Variants in BCL2L1 observed in about 807,000 individuals in gnomAD.
BCL2L1 encodes bcl-2-like protein 1.
A neutral mutation model predicts 18.7 loss-of-function variants in BCL2L1; 1 was observed. That is an observed-to-expected ratio of 0.05 (90% CI 0.02 to 0.25). BCL2L1 has a LOEUF of 0.25. Among genes scored for constraint, BCL2L1 ranks in the 10% least tolerant of loss-of-function variants. The pLI is 1.00. For missense variants in BCL2L1, 207 were observed against 304.9 expected, an observed-to-expected ratio of 0.68 and a Z score of 2.39; for synonymous variants, 103 against 122.7, an observed-to-expected ratio of 0.84 and a Z score of 1.06.
intron 2 of BCL2L1, among the ~76,000 whole-genome samples, chr20:31,701,002 A>G (rs1478990015): frequency 6.6e-6 from 1 of 152,178 alleles, no homozygotes; most frequent in East Asian, 1.9e-4. Flanking sequence ...GGGAGCCAGC[A>G]AATCCTAGAC....
intron 2 of BCL2L1, among the ~76,000 whole-genome samples, chr20:31,679,297 C>T (rs1017352920): frequency 5.3e-5 from 8 of 152,204 alleles, no homozygotes; most frequent in Non-Finnish European, 1.2e-4. Context: ...CACTGTCCCA[C>T]TTGATGTGGC....
chr20:31,677,795 C>G (rs1309077728), intron 2 of BCL2L1, among the ~76,000 whole-genome samples: 1 of 152,204 alleles, frequency 6.6e-6, no homozygotes, highest in African/African-American at 2.4e-5. Context: ...TCTTAATCCA[C>G]AGGTCACTTT....
At chr20:31,684,426 C>A (rs1310347039) in intron 2 of BCL2L1, among the ~76,000 whole-genome samples, 1 of 152,084 alleles carries the variant, frequency 6.6e-6, no homozygotes, top group Non-Finnish European at 1.5e-5. Context: ...CAGGATAGGT[C>A]CCAAAGGGTG....
At chr20:31,719,523 T>A (rs35655832) in intron 2 of BCL2L1, among the ~76,000 whole-genome samples, 68 of 152,292 alleles carry the variant, frequency 4.5e-4, no homozygotes, top group Middle Eastern at 3.4e-3. Context: ...AGAGAATGTG[T>A]GCTCAGAAAT....
intron 2 of BCL2L1, chr20:31,713,546 G>T: frequency 1.0e-6 from 1 of 985,388 alleles, no homozygotes; most frequent in Non-Finnish European, 1.2e-6. Context: ...ACTGGAGGCT[G>T]CCCAAAAAGC....
chr20:31,703,177 T>C (rs888965025), intron 2 of BCL2L1, among the ~76,000 whole-genome samples: 2 of 151,376 alleles, frequency 1.3e-5, no homozygotes, highest in East Asian at 4.0e-4. Context: ...CCCAGGTAGC[T>C]GGCATCACAG....
Position 31,722,262 on chromosome 20 carries a change from C to T in BCL2L1, c.-44G>A, listed in dbSNP as rs2061647729. ...CTCAACCAGTCCATTGTCCAAAACA[C>T]CTGCTCACTCACTGAGTCTCGTCTC... is the stretch of plus-strand genomic sequence containing the variant. On this transcript the variant is annotated 5_prime_UTR_variant, in exon 2 of 3. The change creates a new upstream start codon in the 5' untranslated region. Coordinates refer to ENST00000307677, the MANE Select transcript of BCL2L1 (RefSeq NM_138578.3). 7.4e-7 allele frequency: 1 copy of T among 1,355,278 alleles called. No individual in the cohort carries two copies. Among genetic ancestry groups the T allele is most frequent in the African/African-American group, 1.5e-5 (1 of 68,898 alleles). The allele number at this position is 1,355,278 out of a possible 1,614,324, so 84.0% of individuals were successfully genotyped here. A position where few individuals can be genotyped will look rare whatever the true frequency, so the allele number is the denominator to read the frequency against.
chr20:31,712,162 G>A (rs566897509), intron 2 of BCL2L1, among the ~76,000 whole-genome samples: 16 of 152,280 alleles, frequency 1.1e-4, no homozygotes, highest in Admixed American at 3.3e-4. Context: ...CAAAAACAGC[G>A]TCACTAAAGG....
At chr20:31,708,458 C>T (rs557462832) in intron 2 of BCL2L1, among the ~76,000 whole-genome samples, 21 of 152,228 alleles carry the variant, frequency 1.4e-4, no homozygotes, top group Non-Finnish European at 3.1e-4. Context: ...GCAAGCTAAG[C>T]TGACAATTTC....
chr20:31,693,945 A>G (rs1417829685), intron 2 of BCL2L1, among the ~76,000 whole-genome samples: 2 of 152,040 alleles, frequency 1.3e-5, no homozygotes, highest in African/African-American at 4.8e-5. Context: ...TTTATGATAA[A>G]TTTCTTTAAA....
intron 2 of BCL2L1, among the ~76,000 whole-genome samples, chr20:31,682,909 G>A (rs2060888209): frequency 6.6e-6 from 1 of 152,060 alleles, no homozygotes; most frequent in African/African-American, 2.4e-5. Flanking sequence ...TGATGAATCT[G>A]TATTCCAAAT....
chr20:31,689,428 A>G (rs931727463), intron 2 of BCL2L1, among the ~76,000 whole-genome samples: 1 of 145,340 alleles, frequency 6.9e-6, no homozygotes, highest in Non-Finnish European at 1.5e-5. Flanking sequence ...CCGTCTCTAC[A>G]AAAAAAAGAA....
Position 31,665,942 on chromosome 20 carries a change from T to G in BCL2L1, c.*7A>C. On this transcript the variant is annotated 3_prime_UTR_variant, in exon 3 of 3. Coordinates refer to ENST00000307677, the MANE Select transcript of BCL2L1 (RefSeq NM_138578.3). The stretch of plus-strand genomic sequence containing the variant: ...GTGGGAGGGTAGAGTGGATGGTCAG[T>G]GTCTGGTCATTTCCGACTGAAGAGT... 6.2e-7 allele frequency: 1 copy of G among 1,612,876 alleles called. No individual in the cohort carries two copies. Among genetic ancestry groups the G allele is most frequent in the Non-Finnish European group, 8.5e-7 (1 of 1,179,856 alleles).
chr20:31,671,698 C>A (rs1328198874), intron 2 of BCL2L1, among the ~76,000 whole-genome samples: 1 of 151,924 alleles, frequency 6.6e-6, no homozygotes, highest in African/African-American at 2.4e-5. Context: ...AAGATCACCT[C>A]CAATGGCGTG....
chr20:31,721,171 G>C (rs1393537676), intron 2 of BCL2L1, among the ~76,000 whole-genome samples: 2 of 152,204 alleles, frequency 1.3e-5, no homozygotes, highest in Non-Finnish European at 2.9e-5. Context: ...TTGAAATAAA[G>C]GGAACTTGAT....
chr20:31,681,134 G>A (rs1301203797), intron 2 of BCL2L1, among the ~76,000 whole-genome samples: 1 of 152,234 alleles, frequency 6.6e-6, no homozygotes, highest in African/African-American at 2.4e-5. Flanking sequence ...TGTGGGGCCT[G>A]GTAGGCCATT....
chr20:31,711,406 C>T (rs1179615157), intron 2 of BCL2L1, among the ~76,000 whole-genome samples: 1 of 152,132 alleles, frequency 6.6e-6, no homozygotes, highest in Non-Finnish European at 1.5e-5. Flanking sequence ...TGAATCTTGC[C>T]TGGTGTGTCT....
chr20:31,709,324 T>TGTGTGCGC (rs2061415681), intron 2 of BCL2L1, among the ~76,000 whole-genome samples: 2 of 152,138 alleles, frequency 1.3e-5, no homozygotes, highest in South Asian at 4.1e-4. Context: ...CTCGTGTGTG[T>TGTGTGCGC]GTGTGCGCGC....
chr20:31,708,123 G>A (rs1269040165), intron 2 of BCL2L1, among the ~76,000 whole-genome samples: 3 of 152,156 alleles, frequency 2.0e-5, no homozygotes, highest in African/African-American at 7.2e-5. Flanking sequence ...GGTTAGGTGT[G>A]CTCAATCTAT....
Sources: allele counts gnomAD v4.1 joint callset (sites outside exome capture counted in the v4.1 genomes callset), GRCh38; gene constraint gnomAD v4.1.1; transcripts MANE v1.5; gene names NCBI Gene and HGNC (gene_info 2026-07-23, HGNC 2026-07-21).